Variants in MATR3 observed in about 807,000 individuals in gnomAD.
MATR3 encodes matrin 3.
In MATR3, 4 loss-of-function variants were observed where a neutral mutation model predicts 85.5. The observed-to-expected ratio is 0.05, with a 90% confidence interval of 0.02 to 0.11. The LOEUF is 0.11. Ranked by LOEUF, MATR3 falls within the 10% of genes least tolerant of loss-of-function variation. The probability of loss-of-function intolerance (pLI) is 1.00; values close to 1 mark genes in which losing one functional copy is unlikely to be tolerated. For synonymous variants in MATR3, 336 were observed against 343.1 expected (o/e 0.98, Z 0.23); for missense variants, 685 against 1,016.1 (o/e 0.67, Z 4.43).
chr5:139,280,133 T>A (rs1053024867), intron 3 of MATR3: 2 of 152,244 alleles, frequency 1.3e-5, no homozygotes, highest in Non-Finnish European at 2.9e-5. Flanking sequence ...AACACAGCCT[T>A]AGACAATATC....
chr5:139,292,404 T>G (rs963467653), upstream of MATR3, among the ~76,000 whole-genome samples: 1 of 152,202 alleles, frequency 6.6e-6, no homozygotes, highest in African/African-American at 2.4e-5. Flanking sequence ...TTATAATCAT[T>G]AACTGTGCTG....
At chr5:139,309,469 T>C (rs569435044) in intron 2 of MATR3, among the ~76,000 whole-genome samples, 2 of 152,322 alleles carry the variant, frequency 1.3e-5, no homozygotes, top group East Asian at 3.9e-4. Context: ...TGGATTTTTT[T>C]TTAGTAGACT....
In MATR3 at chr5:139,330,061, A is replaced by T; in HGVS notation, c.*666A>T. The T allele has an allele frequency of 2.2e-6, 1 of 454,508 alleles. No individual in the cohort carries two copies. Among genetic ancestry groups the T allele is most frequent in the Non-Finnish European group, 4.4e-6 (1 of 226,766 alleles). 28.2% of individuals were successfully genotyped at this position (454,508 alleles called of 1,614,324 possible). On this transcript the variant is annotated 3_prime_UTR_variant, in exon 15 of 15. Transcript: ENST00000394805. ...TGTATTTTCAGTGAAATGCAAAAAT[A>T]TTCCCGTTATCTTTGACCAGTATTA... is the stretch of plus-strand genomic sequence containing the variant.
intron 3 of MATR3, among the ~76,000 whole-genome samples, chr5:139,284,442 A>T (rs1006226118): frequency 6.6e-6 from 1 of 152,138 alleles, no homozygotes; most frequent in Non-Finnish European, 1.5e-5. Flanking sequence ...TCTCTACAAA[A>T]GAAAAAAATA....
intron 1 of MATR3, among the ~76,000 whole-genome samples, chr5:139,275,263 C>T (rs1306922612): frequency 2.0e-5 from 3 of 147,878 alleles, no homozygotes; most frequent in Non-Finnish European, 4.4e-5. Flanking sequence ...TCCCAAAGTG[C>T]TGGGATTACA....
chr5:139,287,187 A>C (rs1429594359), intron 3 of MATR3, among the ~76,000 whole-genome samples: 3 of 152,242 alleles, frequency 2.0e-5, no homozygotes. Flanking sequence ...AGGACTCCTC[A>C]TATTCACATA....
chr5:139,277,250 T>A (rs970921538), intron 2 of MATR3, among the ~76,000 whole-genome samples: 2 of 151,634 alleles, frequency 1.3e-5, no homozygotes, highest in Non-Finnish European at 2.9e-5. Context: ...GCTCAAGTGA[T>A]CTCCTGCCTC....
In MATR3 at chr5:139,330,812, C is replaced by T. The variant is rs1379689454; in HGVS notation, c.*1417C>T. ...CTGTTGTAAACAATTTTTTTTTCTT[C>T]CCTGACACAGGGTCTCACTCTGTCA... On this transcript the variant is annotated 3_prime_UTR_variant, in exon 15 of 15. Transcript: ENST00000394805. 2.2e-6 allele frequency: 1 copy of T among 453,490 alleles called. No individual in the cohort carries two copies. Among genetic ancestry groups the T allele is most frequent in the Admixed American group, 2.4e-5 (1 of 42,508 alleles). 28.1% of individuals were successfully genotyped at this position (453,490 alleles called of 1,614,324 possible). A position where few individuals can be genotyped will look rare whatever the true frequency, so the allele number is the denominator to read the frequency against.
Position 139,331,646 on chromosome 5 carries a change from A to G in MATR3, c.*2251A>G, listed in dbSNP as rs1298728501. On this transcript the variant is annotated 3_prime_UTR_variant, in exon 15 of 15. Transcript: ENST00000394805. ...TTAGTTTAATCTTACATTATCCTACAAAAGTGAATGAAACTTCTAGAAGTA... is the reference window on the plus strand; with the variant it reads ...TTAGTTTAATCTTACATTATCCTACGAAAGTGAATGAAACTTCTAGAAGTA... The G allele has an allele frequency of 2.2e-6, 1 of 448,434 alleles. No individual in the cohort carries two copies. The highest frequency in any genetic ancestry group is 4.5e-6 in the Non-Finnish European group (1 of 224,574). 27.8% of individuals were successfully genotyped at this position (448,434 alleles called of 1,614,324 possible). A position where few individuals can be genotyped will look rare whatever the true frequency, so the allele number is the denominator to read the frequency against.
chr5:139,277,095 AAGT>A (rs1157276483), intron 2 of MATR3, among the ~76,000 whole-genome samples: 1 of 151,824 alleles, frequency 6.6e-6, no homozygotes, highest in Non-Finnish European at 1.5e-5. Context: ...GCTTTTTCCC[AAGT>A]AGTTGGGATG....
In MATR3 at chr5:139,319,425, C is replaced by G. The variant is rs753723614; in HGVS notation, c.1526C>G (p.Ser509Cys). 1.2e-6 allele frequency: 2 copies of G among 1,614,036 alleles called. No homozygotes were observed. The highest frequency in any genetic ancestry group is 1.1e-5 in the South Asian group (1 of 91,078). Residue 509 changes from serine (S) to cysteine (C), a missense_variant, in exon 9 of 15, where the codon TCT becomes TGT. By Grantham distance (112) the Ser-to-Cys change is moderately radical. Coordinates refer to ENST00000394805, the MANE Select transcript of MATR3 (RefSeq NM_018834.6). The part of the protein sequence containing the change: ...HLSNLPHSGY[S>C]DSAVLKLAEP... ...AGCAATTTGCCGCATTCTGGCTATTCTGATAGTGCTGTTCTCAAGCTTGCT... is the reference window on the plus strand; with the variant it reads ...AGCAATTTGCCGCATTCTGGCTATTGTGATAGTGCTGTTCTCAAGCTTGCT...
chr5:139,280,008 A>G (rs2151866766), intron 3 of MATR3: 1 of 152,328 alleles, frequency 6.6e-6, no homozygotes, highest in Admixed American at 6.5e-5. Context: ...AAAGTTTATT[A>G]TGCACTGCTG....
rs201849099 is a variant in MATR3 at position 139,288,065 on chromosome 5, AATT to A, written c.-178+8938_-178+8940del. On this transcript the variant is annotated intron_variant, in intron 3 of 16. Transcript: ENST00000509990. ...GTCTCTACAAAAAATACCAAAAAAA[AATT>A]AGCTGGGTTTGGCGGCGCGCTTCTG... is the stretch of plus-strand genomic sequence containing the variant. Among the ~76,000 whole-genome samples, 1,315 of 152,130 alleles carry A rather than the reference AATT, an allele frequency of 8.6e-3. 7 individuals are homozygous for A. The highest frequency in any genetic ancestry group is 0.014 in the Admixed American group (220 of 15,268).
chr5:139,274,113 C>T lies in MATR3; in HGVS notation c.-335C>T, dbSNP rs780330157. On this transcript the variant is annotated 5_prime_UTR_variant, in exon 1 of 17. Coordinates refer to ENST00000509990, the Ensembl canonical transcript of MATR3. Reference sequence around the variant, plus strand: ...CGGCTCCCGGCTGCCCTTTCCCCTCCGGCCTCTGCCGGTGCTGCTGCGCCC... The same window carrying T: ...CGGCTCCCGGCTGCCCTTTCCCCTCTGGCCTCTGCCGGTGCTGCTGCGCCC... 3.6e-5 allele frequency: 16 copies of T among 449,468 alleles called. No homozygotes were observed. The Admixed American group carries it at 3.9e-4, about 11-fold the overall frequency. The allele number at this position is 449,468 out of a possible 1,614,324, so 27.8% of individuals were successfully genotyped here. A position where few individuals can be genotyped will look rare whatever the true frequency, so the allele number is the denominator to read the frequency against.
At chr5:139,319,182 T>A in intron 8 of MATR3, 149 bp downstream of exon 8, 1 of 1,239,552 alleles carries the variant, frequency 8.1e-7, no homozygotes, top group South Asian at 1.3e-5. Flanking sequence ...TCAGAAGGAT[T>A]ATGTGAGGCC....
chr5:139,275,058 C>T (rs987805451), intron 1 of MATR3, among the ~76,000 whole-genome samples: 9 of 151,390 alleles, frequency 5.9e-5, no homozygotes, highest in African/African-American at 2.2e-4. Flanking sequence ...TCACTGCAAC[C>T]TCCGCCTCCT....
At chr5:139,297,239 G>A (rs748996436) in intron 1 of MATR3, among the ~76,000 whole-genome samples, 12 of 152,220 alleles carry the variant, frequency 7.9e-5, no homozygotes, top group Non-Finnish European at 1.5e-4. Context: ...AGTTTGTTGG[G>A]ATGGATTGGA....
chr5:139,277,396 T>TG (rs1489335894), intron 2 of MATR3, among the ~76,000 whole-genome samples: 1 of 152,018 alleles, frequency 6.6e-6, no homozygotes, highest in African/African-American at 2.4e-5. Context: ...GGGAGGATGT[T>TG]GGGGGGCAGG....
chr5:139,303,468 T>C (rs1270000287), intron 1 of MATR3, among the ~76,000 whole-genome samples: 2 of 151,938 alleles, frequency 1.3e-5, no homozygotes, highest in Non-Finnish European at 2.9e-5. Flanking sequence ...CCATGTGGAG[T>C]AGTAGATACC....
Sources: allele counts gnomAD v4.1 joint callset (sites outside exome capture counted in the v4.1 genomes callset), GRCh38; gene constraint gnomAD v4.1.1; transcripts MANE v1.5; gene names NCBI Gene and HGNC (gene_info 2026-07-23, HGNC 2026-07-21).